The following ERBB4 variants were observed in gnomAD, a reference collection of about 807,000 sequenced individuals.
The protein encoded by ERBB4 is receptor tyrosine-protein kinase erbB-4.
Under a neutral mutation model 158.0 loss-of-function variants are expected in ERBB4, and 42 were observed. The observed-to-expected ratio is 0.27, with a 90% confidence interval of 0.21 to 0.34. ERBB4 has a LOEUF of 0.34. Ranked by LOEUF, ERBB4 falls within the 10% of genes least tolerant of loss-of-function variation. The probability of loss-of-function intolerance (pLI) is 1.00; values close to 1 mark genes in which losing one functional copy is unlikely to be tolerated. For missense variants in ERBB4, 1,333 were observed against 1,624.1 expected, an observed-to-expected ratio of 0.82 and a Z score of 3.08; for synonymous variants, 583 against 558.7, an observed-to-expected ratio of 1.04 and a Z score of -0.61.
At chr2:211,682,987 A>T (rs115121292) in intron 12 of ERBB4, among the ~76,000 whole-genome samples, 1,522 of 151,068 alleles carry the variant, frequency 0.01, 32 homozygotes, top group African/African-American at 0.035. Context: ...GGATAAATTG[A>T]TTATTAAAAT....
intron 1 of ERBB4, among the ~76,000 whole-genome samples, chr2:212,337,932 G>T (rs1017059863): frequency 6.6e-6 from 1 of 151,982 alleles, no homozygotes; most frequent in African/African-American, 2.4e-5. Flanking sequence ...AATCTTCTCC[G>T]GGGACTACAG....
chr2:211,836,708 C>T (rs916188379), intron 3 of ERBB4, among the ~76,000 whole-genome samples: 4 of 152,038 alleles, frequency 2.6e-5, no homozygotes, highest in African/African-American at 9.7e-5. Flanking sequence ...GCAAGCCCTT[C>T]TATGAATAGC....
Position 211,455,800 on chromosome 2 carries a change from T to C in ERBB4, c.2488-24700A>G, listed in dbSNP as rs568657305. Among the ~76,000 whole-genome samples the C allele has an allele frequency of 1.1e-3, 166 of 152,286 alleles. 1 individual carries two copies. Among genetic ancestry groups the C allele is most frequent in the Non-Finnish European group, 1.4e-3 (93 of 68,018 alleles). On this transcript the variant is annotated intron_variant, in intron 20 of 27. Transcript: ENST00000342788. ...CTGCCAGTTTCAAGAGAGAGCTTCT[T>C]CGTGTCCTCTCAAATGCTCCACAAT... is the stretch of plus-strand genomic sequence containing the variant.
rs570552288 is a variant in ERBB4 at position 211,624,585 on chromosome 2, C to T, written c.2080-541G>A. On this transcript the variant is annotated intron_variant, in intron 17 of 27. Coordinates refer to ENST00000342788, the MANE Select transcript of ERBB4 (RefSeq NM_005235.3). ...GATGCCTAGGTACCATGGTGATCCT[C>T]GAACACATTTGAAGTACCAAGGCCC... Among the ~76,000 whole-genome samples the T allele has an allele frequency of 2.0e-3, 305 of 152,246 alleles. 2 individuals carry two copies. The highest frequency in any genetic ancestry group is 7.0e-3 in the African/African-American group (292 of 41,556).
chr2:212,487,557 A>ATT (rs111731479), intron 1 of ERBB4, among the ~76,000 whole-genome samples: 58 of 146,540 alleles, frequency 4.0e-4, no homozygotes, highest in East Asian at 6.0e-4. Flanking sequence ...TTAGGCATGT[A>ATT]TTTTTTTTTT....
chr2:212,106,177 G>A (rs1210283321), intron 2 of ERBB4, among the ~76,000 whole-genome samples: 1 of 152,184 alleles, frequency 6.6e-6, no homozygotes, highest in Non-Finnish European at 1.5e-5. Context: ...GGAGGGCTCA[G>A]ACAACAGAAA....
intron 2 of ERBB4, among the ~76,000 whole-genome samples, chr2:212,041,305 G>T (rs540728569): frequency 1.3e-5 from 2 of 151,722 alleles, no homozygotes; most frequent in Non-Finnish European, 2.9e-5. Flanking sequence ...TCTATCCAGA[G>T]GTCTTTACTG....
At chr2:211,418,905 T>C (rs2125399824) in intron 25 of ERBB4, among the ~76,000 whole-genome samples, 4 of 152,276 alleles carry the variant, frequency 2.6e-5, no homozygotes, top group Admixed American at 2.6e-4. Flanking sequence ...CCATTGGGCA[T>C]GTGATAAAGT....
Position 212,475,463 on chromosome 2 carries a change from C to G in ERBB4, c.82+62986G>C, listed in dbSNP as rs965438958. 2.0e-4 allele frequency among the ~76,000 whole-genome samples: 30 copies of G among 152,162 alleles called. 1 individual carries two copies. Among genetic ancestry groups the G allele is most frequent in the Admixed American group, 1.9e-3 (29 of 15,260 alleles). ...TCATTTTCCCTCTGCTGAGAATGTT[C>G]CATTTGCTGATCAAATCCTCAAATA... On this transcript the variant is annotated intron_variant, in intron 1 of 27. Coordinates refer to ENST00000342788, the MANE Select transcript of ERBB4 (RefSeq NM_005235.3).
At chr2:212,181,438 G>T (rs2125691028) in intron 1 of ERBB4, among the ~76,000 whole-genome samples, 1 of 151,670 alleles carries the variant, frequency 6.6e-6, no homozygotes, top group South Asian at 2.1e-4. Context: ...TATGTAAAAT[G>T]CAGATCTTTA....
chr2:212,401,502 C>G lies in ERBB4; in HGVS notation c.82+136947G>C, dbSNP rs190973296. ...TTTTATATTTGTTAATATATTTACA[C>G]TACTAAAACAGATCTGCACAATATG... On this transcript the variant is annotated intron_variant, in intron 1 of 27. Transcript: ENST00000342788. 4.1e-4 allele frequency among the ~76,000 whole-genome samples: 62 copies of G among 152,166 alleles called. 1 individual carries two copies. The highest frequency in any genetic ancestry group is 3.0e-3 in the Admixed American group (46 of 15,262).
At chr2:212,083,436 T>C (rs1326059334) in intron 2 of ERBB4, among the ~76,000 whole-genome samples, 1 of 152,004 alleles carries the variant, frequency 6.6e-6, no homozygotes, top group African/African-American at 2.4e-5. Context: ...TTTAGTATCT[T>C]CATTACTAAC....
chr2:211,861,364 T>TGG (rs2078050809), intron 3 of ERBB4, among the ~76,000 whole-genome samples: 1 of 132,026 alleles, frequency 7.6e-6, no homozygotes, highest in Non-Finnish European at 1.6e-5. Context: ...TTTTTTTTTT[T>TGG]TTTTTACTTT....
chr2:211,548,234 G>T (rs1047675180), intron 20 of ERBB4, among the ~76,000 whole-genome samples: 2 of 151,774 alleles, frequency 1.3e-5, no homozygotes, highest in African/African-American at 4.8e-5. Flanking sequence ...GGGTGAACAT[G>T]ATTCAAATTC....
At chr2:211,649,067 A>T (rs2070885135) in intron 16 of ERBB4, among the ~76,000 whole-genome samples, 1 of 151,912 alleles carries the variant, frequency 6.6e-6, no homozygotes. Context: ...TTAAAAAGTT[A>T]CATTATCTAC....
chr2:212,199,855 G>T (rs2082540990), intron 1 of ERBB4, among the ~76,000 whole-genome samples: 1 of 144,134 alleles, frequency 6.9e-6, no homozygotes, highest in Non-Finnish European at 1.5e-5. Flanking sequence ...TTCATTGACT[G>T]CCAGTCTGAC....
chr2:212,387,725 A>C lies in ERBB4; in HGVS notation c.82+150724T>G, dbSNP rs549092124. On this transcript the variant is annotated intron_variant, in intron 1 of 27. Coordinates refer to ENST00000342788, the MANE Select transcript of ERBB4 (RefSeq NM_005235.3). ...GGGCCACCATGCCCTGCAAATTAGA[A>C]CACATTTGAATCTTGAACATTTTGA... Among the ~76,000 whole-genome samples, 62 of 152,120 alleles carry C rather than the reference A, an allele frequency of 4.1e-4. 1 individual carries two copies. Among genetic ancestry groups the C allele is most frequent in the Admixed American group, 3.9e-3 (59 of 15,252 alleles).
intron 2 of ERBB4, among the ~76,000 whole-genome samples, chr2:211,957,609 A>G (rs2081069438): frequency 6.6e-6 from 1 of 152,118 alleles, no homozygotes; most frequent in Non-Finnish European, 1.5e-5. Flanking sequence ...AAGGTCTCCA[A>G]ATCCTAGGAT....
intron 19 of ERBB4, among the ~76,000 whole-genome samples, chr2:211,610,318 C>T (rs994768906): frequency 6.6e-6 from 1 of 152,030 alleles, no homozygotes; most frequent in African/African-American, 2.4e-5. Flanking sequence ...TACTTCATGC[C>T]ATATAATGCA....
Sources: gnomAD v4.1 joint callset for allele counts (sites outside exome capture counted in the v4.1 genomes callset) on GRCh38, gnomAD v4.1.1 for gene constraint, MANE v1.5 for transcripts, NCBI Gene and HGNC (gene_info 2026-07-23, HGNC 2026-07-21) for gene names.